The following MMP26 variants were observed in gnomAD, a reference collection of about 807,000 sequenced individuals.
MMP26 encodes matrix metalloproteinase-26.
In MMP26, 33 loss-of-function variants were observed where a neutral mutation model predicts 31.0. That is an observed-to-expected ratio of 1.06 (90% confidence interval 0.81 to 1.42). MMP26 has a LOEUF of 1.42. MMP26 is among the 40% of genes most tolerant of loss of function. MMP26 has a pLI of 0.00. For missense variants in MMP26, 347 were observed against 316.1 expected (o/e 1.10, Z -0.74); for synonymous variants, 122 against 114.9 (o/e 1.06, Z -0.40).
At chr11:4,880,264 G>A (rs1192150092) in intron 2 of MMP26, among the ~76,000 whole-genome samples, 1 of 152,104 alleles carries the variant, frequency 6.6e-6, no homozygotes, top group African/African-American at 2.4e-5. Flanking sequence ...GAAGTTGGTG[G>A]TGTTTCCTGC....
intron 1 of MMP26, chr11:4,723,712 A>G: frequency 9.6e-7 from 1 of 1,040,318 alleles, no homozygotes; most frequent in Non-Finnish European, 1.5e-6. Flanking sequence ...CTCCTGGCCC[A>G]GAGTGTCCAG....
At chr11:4,778,552 T>A (rs1030120144) in intron 2 of MMP26, among the ~76,000 whole-genome samples, 108 of 152,076 alleles carry the variant, frequency 7.1e-4, no homozygotes, top group African/African-American at 2.5e-3. Flanking sequence ...CCTGGTATTA[T>A]AAGAATAAAG....
intron 2 of MMP26, among the ~76,000 whole-genome samples, chr11:4,911,479 A>G (rs184058431): frequency 3.7e-4 from 57 of 152,276 alleles, no homozygotes; most frequent in Admixed American, 1.4e-3. Flanking sequence ...GAATAAATGC[A>G]TAAATGTCAG....
chr11:4,940,224 T>G (rs189189853), intron 2 of MMP26, among the ~76,000 whole-genome samples: 125 of 152,256 alleles, frequency 8.2e-4, no homozygotes, highest in African/African-American at 2.8e-3. Context: ...TAAGGTAGAA[T>G]CATGTGATAA....
intron 2 of MMP26, among the ~76,000 whole-genome samples, chr11:4,916,852 A>C (rs1233367011): frequency 6.6e-6 from 1 of 152,220 alleles, no homozygotes; most frequent in African/African-American, 2.4e-5. Flanking sequence ...CTAAAGCACC[A>C]TCAACCATGG....
At chr11:4,836,916 G>T (rs1041305991) in intron 2 of MMP26, among the ~76,000 whole-genome samples, 2 of 151,488 alleles carry the variant, frequency 1.3e-5, no homozygotes, top group African/African-American at 4.9e-5. Flanking sequence ...CTCCCAAAGT[G>T]CTGGGATTAC....
chr11:4,982,460 G>C (rs747109245), intron 2 of MMP26, among the ~76,000 whole-genome samples: 22 of 152,092 alleles, frequency 1.4e-4, no homozygotes, highest in Non-Finnish European at 1.9e-4. Context: ...ACGTCTGCCT[G>C]TATGAAAGTT....
At chr11:4,800,796 A>C (rs1306728672) in intron 2 of MMP26, among the ~76,000 whole-genome samples, 2 of 151,550 alleles carry the variant, frequency 1.3e-5, no homozygotes, top group Non-Finnish European at 2.9e-5. Flanking sequence ...AGATGCAGTG[A>C]GGCCATCTCT....
intron 2 of MMP26, chr11:4,882,586 C>T (rs758547478): frequency 1.2e-6 from 2 of 1,613,880 alleles, no homozygotes; most frequent in Non-Finnish European, 1.7e-6. Context: ...CTGTTCTGGG[C>T]ATTGTGGCCC....
At chr11:4,961,891 A>T (rs1846525663) in intron 2 of MMP26, among the ~76,000 whole-genome samples, 1 of 152,190 alleles carries the variant, frequency 6.6e-6, no homozygotes, top group African/African-American at 2.4e-5. Flanking sequence ...AAACAGTTTC[A>T]AGGATACCTG....
At chr11:4,820,845 A>T (rs934281613) in intron 2 of MMP26, among the ~76,000 whole-genome samples, 3 of 152,204 alleles carry the variant, frequency 2.0e-5, no homozygotes, top group African/African-American at 7.2e-5. Context: ...TAAAATGTCA[A>T]CAACACAGGG....
intron 1 of MMP26, among the ~76,000 whole-genome samples, chr11:4,759,545 C>T (rs1275243591): frequency 1.3e-5 from 2 of 151,998 alleles, no homozygotes; most frequent in Admixed American, 1.3e-4. Flanking sequence ...TCAAAATAAC[C>T]TTTTATTTTC....
At chr11:4,977,980 G>A (rs1846760836) in intron 2 of MMP26, among the ~76,000 whole-genome samples, 2 of 152,084 alleles carry the variant, frequency 1.3e-5, no homozygotes, top group African/African-American at 4.8e-5. Context: ...CTGGTGGGAG[G>A]TGACTGGATC....
chr11:4,774,380 A>G (rs192175765), intron 2 of MMP26, among the ~76,000 whole-genome samples: 13 of 152,192 alleles, frequency 8.5e-5, no homozygotes, highest in Admixed American at 8.5e-4. Context: ...GTGATCAGTG[A>G]TATTGAGCTG....
At chr11:4,816,505 G>A (rs1181757320) in intron 2 of MMP26, among the ~76,000 whole-genome samples, 2 of 145,234 alleles carry the variant, frequency 1.4e-5, no homozygotes, top group East Asian at 1.9e-4. Context: ...AGTCATTTGT[G>A]AGATAATTAA....
At chr11:4,881,923 T>C (rs746547802) in intron 2 of MMP26, 1 of 1,613,414 alleles carries the variant, frequency 6.2e-7, no homozygotes, top group East Asian at 2.2e-5. Flanking sequence ...ATAACACCAC[T>C]TCGTCTTCCT....
At chr11:4,949,566 C>G (rs1396764456) in intron 2 of MMP26, among the ~76,000 whole-genome samples, 1 of 121,522 alleles carries the variant, frequency 8.2e-6, no homozygotes, top group Non-Finnish European at 1.9e-5. Flanking sequence ...AAAGCAGTTC[C>G]TATACAGAAA....
At chr11:4,794,060 T>C (rs1849069763) in intron 2 of MMP26, 1 of 152,080 alleles carries the variant, frequency 6.6e-6, no homozygotes. Flanking sequence ...ATATCTGTGG[T>C]TCTAATGACA....
At chr11:4,933,528 T>G (rs1339921400) in intron 2 of MMP26, among the ~76,000 whole-genome samples, 2 of 43,966 alleles carry the variant, frequency 4.5e-5, no homozygotes, top group Non-Finnish European at 1.0e-4. Context: ...ATTTTTTTTG[T>G]TTTTTTTTTT....
Sources: allele counts gnomAD v4.1 joint callset (sites outside exome capture counted in the v4.1 genomes callset), GRCh38; gene constraint gnomAD v4.1.1; transcripts MANE v1.5; gene names NCBI Gene and HGNC (gene_info 2026-07-23, HGNC 2026-07-21).